PPP4R1: variants seen among roughly 807,000 people sequenced by gnomAD.
The protein encoded by PPP4R1 is protein phosphatase 4 regulatory subunit 1.
A neutral mutation model predicts 111.2 loss-of-function variants in PPP4R1; 42 were observed. The ratio of observed to expected loss-of-function variants is 0.38; its 90% CI spans 0.29 to 0.49. PPP4R1 has a LOEUF of 0.49. PPP4R1 is among the 20% of genes least tolerant of loss of function. The pLI is 0.97. For synonymous variants in PPP4R1, 409 were observed against 405.5 expected (o/e 1.01, Z -0.10); for missense variants, 1,012 against 1,161.6 (o/e 0.87, Z 1.87).
chr18:9,548,408 G>GT (rs2066433542), intron 19 of PPP4R1, among the ~76,000 whole-genome samples: 1 of 126,226 alleles, frequency 7.9e-6, no homozygotes, highest in African/African-American at 2.6e-5. Context: ...GCGGCAGGCG[G>GT]CGGGGGGGTC....
At chr18:9,593,497 C>T (rs569909217) in intron 4 of PPP4R1, among the ~76,000 whole-genome samples, 69 of 152,074 alleles carry the variant, frequency 4.5e-4, no homozygotes, top group African/African-American at 1.5e-3. Context: ...TTTTATTAAT[C>T]CTAAAATATT....
intron 12 of PPP4R1, chr18:9,563,010 G>A: frequency 9.8e-7 from 1 of 1,020,170 alleles, no homozygotes; most frequent in Non-Finnish European, 1.2e-6. Flanking sequence ...TGTGTTGCTT[G>A]CTGCAGTGAA....
At chr18:9,608,988 G>A (rs538676115) in intron 2 of PPP4R1, among the ~76,000 whole-genome samples, 1 of 152,080 alleles carries the variant, frequency 6.6e-6, no homozygotes, top group Non-Finnish European at 1.5e-5. Context: ...TTTTTTGGAG[G>A]GGGGAGGGCA....
chr18:9,584,620 C>T, intron 7 of PPP4R1, 40 bp from the exon 8 acceptor site: 1 of 1,606,590 alleles, frequency 6.2e-7, no homozygotes, highest in Non-Finnish European at 8.5e-7. Flanking sequence ...AAATATTACA[C>T]ATAAGGTTCT....
At chr18:9,556,250 T>C (rs1598892962) in intron 15 of PPP4R1, among the ~76,000 whole-genome samples, 1 of 150,426 alleles carries the variant, frequency 6.6e-6, no homozygotes, top group Admixed American at 6.6e-5. Flanking sequence ...TGGAGTGCAG[T>C]GGCATGATCT....
Position 9,550,047 on chromosome 18 carries a change from C to T in PPP4R1, c.2547+5G>A. ...ACAAACAGGTAAGCCCAGGGCCTCG[C>T]TTACCTGGCAGACAAAGACAAAGGC... On this transcript the variant is annotated splice_donor_5th_base_variant and intron_variant, in intron 18 of 19. Coordinates refer to ENST00000400556, the MANE Select transcript of PPP4R1 (RefSeq NM_001042388.3). 1 of 1,614,182 alleles carries T rather than the reference C, an allele frequency of 6.2e-7. No individual in the cohort carries two copies. The highest frequency in any genetic ancestry group is 8.5e-7 in the Non-Finnish European group (1 of 1,180,020).
chr18:9,605,216 A>C (rs7236274), intron 2 of PPP4R1, among the ~76,000 whole-genome samples: 23,927 of 152,126 alleles, frequency 0.16, 2,528 homozygotes, highest in African/African-American at 0.3. Context: ...GAGTTACCTT[A>C]TAAAGATTTG....
intron 16 of PPP4R1, chr18:9,551,857 C>T (rs966885775): frequency 2.0e-5 from 3 of 152,366 alleles, no homozygotes; most frequent in East Asian, 1.9e-4. Context: ...TAGAAGACCA[C>T]TGGTACCCCA....
Position 9,614,108 on chromosome 18 carries a change from G to A in PPP4R1, c.52+118C>T, listed in dbSNP as rs2145389035. 1 of 923,590 alleles carries A rather than the reference G, an allele frequency of 1.1e-6. No homozygotes were observed. The highest frequency in any genetic ancestry group is 1.8e-5 in the African/African-American group (1 of 56,180). The allele number at this position is 923,590 out of a possible 1,614,324, so 57.2% of individuals were successfully genotyped here. On this transcript the variant is annotated intron_variant, in intron 2 of 19. Transcript: ENST00000400556. The surrounding 1 kb of genome is among the most constrained non-coding windows in gnomAD (Gnocchi z 4.1). ...CGATCGCCACCCCAGCCCGCCTGGG[G>A]CCGCCCTCGCCCACCGTCCCCTCAG...
Position 9,550,110 on chromosome 18 carries a change from T to G in PPP4R1, c.2489A>C (p.Glu830Ala). 6.2e-7 allele frequency: 1 copy of G among 1,614,206 alleles called. No homozygotes were observed. Among genetic ancestry groups the G allele is most frequent in the Non-Finnish European group, 8.5e-7 (1 of 1,180,030 alleles). ...CCACTTGGGACATCTGCCAAAGTTCTCCACAAGCTCATTGATGAGGTCCAC... is the reference window on the plus strand; with the variant it reads ...CCACTTGGGACATCTGCCAAAGTTCGCCACAAGCTCATTGATGAGGTCCAC... The part of the protein sequence containing the change: ...FGVDLINELV[E>A]NFGRCPKWSG... The change falls in exon 18 of 20, where the codon GAG (glutamate) becomes GCG (alanine). Residue 830 changes from glutamate (E) to alanine (A), a missense_variant. Coordinates refer to ENST00000400556, the MANE Select transcript of PPP4R1 (RefSeq NM_001042388.3).
At chr18:9,572,113 G>A (rs140839502) in intron 10 of PPP4R1, among the ~76,000 whole-genome samples, 118 of 152,256 alleles carry the variant, frequency 7.8e-4, no homozygotes, top group African/African-American at 2.6e-3. Flanking sequence ...TCACAAGAAA[G>A]CTAACAGGTT....
chr18:9,561,930 A>G (rs1441914100), intron 13 of PPP4R1, 50 bp downstream of exon 13: 2 of 1,465,368 alleles, frequency 1.4e-6, no homozygotes, highest in African/African-American at 2.8e-5. Context: ...GGGCTCTAAA[A>G]GAGGAATTAG....
chr18:9,587,958 C>A, intron 6 of PPP4R1, 131 bp downstream of exon 6: 2 of 1,137,076 alleles, frequency 1.8e-6, no homozygotes, highest in Non-Finnish European at 2.4e-6. Flanking sequence ...CTCAAGTGAT[C>A]CACCCACCTC....
chr18:9,548,051 A>G, intron 19 of PPP4R1, 99 bp from the exon 20 acceptor site: 1 of 1,178,966 alleles, frequency 8.5e-7, no homozygotes, highest in Non-Finnish European at 1.2e-6. Context: ...GGGTATTTCT[A>G]CAAGTACAAA....
chr18:9,606,100 C>G (rs1331549815), intron 2 of PPP4R1, among the ~76,000 whole-genome samples: 5 of 151,902 alleles, frequency 3.3e-5, no homozygotes, highest in African/African-American at 4.8e-5. Flanking sequence ...ATTATTTGAC[C>G]CCAAATTAGG....
At chr18:9,566,903 A>C (rs929034090) in intron 11 of PPP4R1, among the ~76,000 whole-genome samples, 3 of 152,136 alleles carry the variant, frequency 2.0e-5, no homozygotes, top group Non-Finnish European at 4.4e-5. Flanking sequence ...CTGACAATAC[A>C]CCTGGTCACC....
chr18:9,550,114 C>T lies in PPP4R1; in HGVS notation c.2485G>A (p.Val829Met). 1 of 1,614,230 alleles carries T rather than the reference C, an allele frequency of 6.2e-7. No individual in the cohort carries two copies. The highest frequency in any genetic ancestry group is 8.5e-7 in the Non-Finnish European group (1 of 1,180,048). ...TFGVDLINEL[V>M]ENFGRCPKWS... Reference sequence around the variant, plus strand: ...TTGGGACATCTGCCAAAGTTCTCCACAAGCTCATTGATGAGGTCCACTCCG... The same window carrying T: ...TTGGGACATCTGCCAAAGTTCTCCATAAGCTCATTGATGAGGTCCACTCCG... Residue 829 changes from valine to methionine, a missense_variant, in exon 18 of 20, where the codon GTG becomes ATG. Val to Met is a conservative substitution (Grantham distance 21, BLOSUM62 1). Transcript: ENST00000400556.
At chr18:9,611,320 G>C (rs1206163242) in intron 2 of PPP4R1, among the ~76,000 whole-genome samples, 1 of 152,008 alleles carries the variant, frequency 6.6e-6, no homozygotes, top group Non-Finnish European at 1.5e-5. Context: ...AGAAACTCAG[G>C]CTCACGAGAT....
chr18:9,587,371 G>A (rs915497238), intron 6 of PPP4R1: 3 of 151,086 alleles, frequency 2.0e-5, no homozygotes, highest in African/African-American at 7.3e-5. Context: ...ACAGAAAGCA[G>A]CCTTTTCTTT....
Sources: gnomAD v4.1 joint callset for allele counts (sites outside exome capture counted in the v4.1 genomes callset) on GRCh38, gnomAD v4.1.1 for gene constraint, Gnocchi (gnomAD v3.1) non-coding constraint, MANE v1.5 for transcripts, NCBI Gene and HGNC (gene_info 2026-07-23, HGNC 2026-07-21) for gene names.